The following PDGFRA variants were observed in gnomAD, a reference collection of about 807,000 sequenced individuals.
PDGFRA encodes the protein platelet-derived growth factor receptor alpha.
Under a neutral mutation model 121.5 loss-of-function variants are expected in PDGFRA, and 25 were observed. The observed-to-expected ratio is 0.21, with a 90% confidence interval of 0.15 to 0.29. The LOEUF (loss-of-function observed/expected upper bound fraction) is 0.29. PDGFRA is among the 10% of genes least tolerant of loss of function. The pLI is 1.00. For synonymous variants in PDGFRA, 463 were observed against 494.8 expected (o/e 0.94, Z 0.85); for missense variants, 1,008 against 1,345.1 (o/e 0.75, Z 3.92).
chr4:54,251,402 G>A (rs1577692271), intron 1 of PDGFRA, among the ~76,000 whole-genome samples: 1 of 152,246 alleles, frequency 6.6e-6, no homozygotes, highest in East Asian at 1.9e-4. Context: ...CTTTTTACCT[G>A]ATTTCTCCAG....
intron 14 of PDGFRA, 28 bp from the exon 15 acceptor site, chr4:54,278,334 C>T (rs2110314361): frequency 6.3e-7 from 1 of 1,595,814 alleles, no homozygotes; most frequent in Non-Finnish European, 8.6e-7. Flanking sequence ...TTTTCATACC[C>T]ATCTCCTAAC....
intron 12 of PDGFRA, among the ~76,000 whole-genome samples, chr4:54,275,370 T>TTAGA (rs1262280754): frequency 6.6e-6 from 1 of 152,194 alleles, no homozygotes; most frequent in African/African-American, 2.4e-5. Context: ...TGAAGATGCA[T>TTAGA]TAGATACTCC....
chr4:54,264,579 C>G, intron 4 of PDGFRA: 1 of 337,354 alleles, frequency 3.0e-6, no homozygotes, highest in Non-Finnish European at 5.7e-6. Context: ...CAGTGTGGAT[C>G]AGCAAATGTT....
chr4:54,248,597 T>C (rs1721840043), intron 1 of PDGFRA, among the ~76,000 whole-genome samples: 1 of 152,158 alleles, frequency 6.6e-6, no homozygotes, highest in Non-Finnish European at 1.5e-5. Flanking sequence ...ACGTTAGACC[T>C]AAAACCATAA....
At chr4:54,244,797 G>A (rs1721530850) in intron 1 of PDGFRA, among the ~76,000 whole-genome samples, 1 of 152,094 alleles carries the variant, frequency 6.6e-6, no homozygotes, top group East Asian at 1.9e-4. Flanking sequence ...TCAAACCAAA[G>A]GCAAAGAAGT....
In PDGFRA at chr4:54,265,586, C is replaced by T. The variant is rs111757812; in HGVS notation, c.759+537C>T. On this transcript the variant is annotated intron_variant, in intron 5 of 22. Transcript: ENST00000257290. ...GAACCGTTATGATGTAATCATTCAG[C>T]AAAGGTTTAATGAAGTTTGCTCAAT... Among the ~76,000 whole-genome samples, 1,000 of 152,228 alleles carry T rather than the reference C, an allele frequency of 6.6e-3. 7 individuals are homozygous for T. The highest frequency in any genetic ancestry group is 0.01 in the Non-Finnish European group (710 of 68,024).
intron 21 of PDGFRA, among the ~76,000 whole-genome samples, chr4:54,289,735 C>T (rs907119214): frequency 1.3e-5 from 2 of 152,182 alleles, no homozygotes; most frequent in Admixed American, 1.3e-4. Flanking sequence ...GATTGTGTGC[C>T]GAACTGGAAG....
intron 3 of PDGFRA, among the ~76,000 whole-genome samples, chr4:54,261,897 A>G (rs1722738501): frequency 2.0e-5 from 1 of 49,298 alleles, no homozygotes; most frequent in South Asian, 8.9e-4. Flanking sequence ...TAAAAAAGTT[A>G]CATATATATA....
At position 54,297,605 on chromosome 4, in the gene PDGFRA, GT is replaced by G. The variant is rs1479726052; in HGVS notation, c.*2336del. The G allele has an allele frequency of 4.3e-6, 1 of 233,554 alleles. No homozygotes were observed. The highest frequency in any genetic ancestry group is 8.5e-6 in the Non-Finnish European group (1 of 118,062). 14.5% of individuals were successfully genotyped at this position (233,554 alleles called of 1,614,324 possible). A position where few individuals can be genotyped will look rare whatever the true frequency, so the allele number is the denominator to read the frequency against. ...CCGGATGAAACTTCTCAGTCCAGCA[GT>G]TTCCAGTCCTAACAAATGCTCCCAC... On this transcript the variant is annotated 3_prime_UTR_variant, in exon 23 of 23. Transcript: ENST00000257290.
intron 1 of PDGFRA, chr4:54,230,256 G>C: frequency 6.5e-6 from 1 of 153,426 alleles, no homozygotes; most frequent in Non-Finnish European, 1.4e-5. Flanking sequence ...GTGTGCTCGG[G>C]TTGCACGCCC....
rs560280718 is a variant in PDGFRA at position 54,296,408 on chromosome 4, C to A, written c.*1136C>A. 4.3e-5 allele frequency: 9 copies of A among 207,182 alleles called. No individual in the cohort carries two copies. The highest frequency in any genetic ancestry group is 8.6e-5 in the Non-Finnish European group (9 of 104,466). 12.8% of individuals were successfully genotyped at this position (207,182 alleles called of 1,614,324 possible). ...TCTTCATGCCTGATGAAAGCTTTGG[C>A]GACCCCAATATATGTATTTTTTGAA... On this transcript the variant is annotated 3_prime_UTR_variant, in exon 23 of 23. Transcript: ENST00000257290.
chr4:54,280,617 C>T (rs1724025679), intron 16 of PDGFRA, 135 bp downstream of exon 16: 1 of 705,844 alleles, frequency 1.4e-6, no homozygotes, highest in Non-Finnish European at 2.5e-6. Flanking sequence ...TGCAGGTCTG[C>T]ACAACCAGTT....
Position 54,261,123 on chromosome 4 carries a change from A to G in PDGFRA, c.78A>G (p.Ser26=), listed in dbSNP as rs1577704945. 5 of 1,614,104 alleles carry G rather than the reference A, an allele frequency of 3.1e-6. No homozygotes were observed. The highest frequency in any genetic ancestry group is 2.2e-5 in the South Asian group (2 of 91,076). Residue 26 remains serine, a synonymous_variant, in exon 3 of 23, where the codon TCA becomes TCG. Transcript: ENST00000257290. The part of the protein sequence containing the change: ...TGLSLILCQL[S]LPSILPNENE... Reference sequence around the variant, plus strand: ...TGAGCCTAATCCTCTGCCAGCTTTCATTACCCTCTATCCTTCCAAATGAAA... The same window carrying G: ...TGAGCCTAATCCTCTGCCAGCTTTCGTTACCCTCTATCCTTCCAAATGAAA...
In PDGFRA at chr4:54,297,030, T is replaced by A. The variant is rs995725060; in HGVS notation, c.*1758T>A. On this transcript the variant is annotated 3_prime_UTR_variant, in exon 23 of 23. Transcript: ENST00000257290. Reference sequence around the variant, plus strand: ...CTCCATACCCCGCCAAGGAAAGGCATGTACAAAAATTATGCAATTCAGTGT... The same window carrying A: ...CTCCATACCCCGCCAAGGAAAGGCAAGTACAAAAATTATGCAATTCAGTGT... 9 of 233,092 alleles carry A rather than the reference T, an allele frequency of 3.9e-5. No individual in the cohort carries two copies. Among genetic ancestry groups the A allele is most frequent in the African/African-American group, 2.0e-4 (9 of 45,342 alleles). The allele number at this position is 233,092 out of a possible 1,614,324, so 14.4% of individuals were successfully genotyped here.
chr4:54,253,357 G>A (rs115982502), intron 1 of PDGFRA, among the ~76,000 whole-genome samples: 1,758 of 152,320 alleles, frequency 0.012, 13 homozygotes, highest in Non-Finnish European at 0.017. Context: ...TCCTAGAAGA[G>A]ACTGAGGTTC....
At chr4:54,281,318 A>G (rs531097527) in intron 16 of PDGFRA, among the ~76,000 whole-genome samples, 6 of 152,312 alleles carry the variant, frequency 3.9e-5, no homozygotes, top group African/African-American at 1.2e-4. Flanking sequence ...TGCCCTGGAC[A>G]TTGTTTTGGA....
At chr4:54,263,544 A>G in intron 3 of PDGFRA, 123 bp from the exon 4 acceptor site, 1 of 930,848 alleles carries the variant, frequency 1.1e-6, no homozygotes, top group South Asian at 1.3e-5. Context: ...ATTCTTCTGG[A>G]TATATGTGTA....
In PDGFRA at chr4:54,267,274, C is replaced by T. The variant is rs1485858089; in HGVS notation, c.760-15C>T. ...GAGCTTTTTAAAAGTCGGTTTTCTT[C>T]CCCTTTTGCTGTAGAAAGGCAAAGG... On this transcript the variant is annotated splice_polypyrimidine_tract_variant and intron_variant, in intron 5 of 22. Transcript: ENST00000257290. 2.5e-6 allele frequency: 4 copies of T among 1,613,880 alleles called. No individual in the cohort carries two copies. Among genetic ancestry groups the T allele is most frequent in the Middle Eastern group, 1.7e-4 (1 of 6,036 alleles).
rs374372636 is a variant in PDGFRA at position 54,285,954 on chromosome 4, G to A, written c.2553G>A (p.Ser851=). 60 of 1,613,956 alleles carry A rather than the reference G, an allele frequency of 3.7e-5. 1 individual carries two copies. Among genetic ancestry groups the A allele is most frequent in the East Asian group, 1.8e-4 (8 of 44,894 alleles). Residue 851 remains serine (S), a synonymous_variant, in exon 18 of 23, where the codon TCG becomes TCA. Coordinates refer to ENST00000257290, the MANE Select transcript of PDGFRA (RefSeq NM_006206.6). ...TCATGCATGATTCGAACTATGTGTCGAAAGGCAGTGTACGTCCTCACTTCC... is the reference window on the plus strand; with the variant it reads ...TCATGCATGATTCGAACTATGTGTCAAAAGGCAGTGTACGTCCTCACTTCC... The part of the protein sequence containing the change: ...RDIMHDSNYV[S]KGSTFLPVKW...
Sources: gnomAD v4.1 joint callset for allele counts (sites outside exome capture counted in the v4.1 genomes callset) on GRCh38, gnomAD v4.1.1 for gene constraint, MANE v1.5 for transcripts, NCBI Gene and HGNC (gene_info 2026-07-23, HGNC 2026-07-21) for gene names.